The following ZMYND8 variants were observed in gnomAD, a reference collection of about 807,000 sequenced individuals.
ZMYND8 encodes the protein zinc finger MYND-type containing 8.
ZMYND8 carries 37 observed loss-of-function variants against 140.8 expected under a neutral mutation model. The ratio of observed to expected loss-of-function variants is 0.26; its 90% CI spans 0.20 to 0.35. The LOEUF is 0.35. Among genes scored for constraint, ZMYND8 ranks in the 10% least tolerant of loss-of-function variants. The pLI, the probability that ZMYND8 is intolerant of heterozygous loss-of-function variation, is 1.00. For synonymous variants in ZMYND8, 592 were observed against 597.1 expected, an observed-to-expected ratio of 0.99 and a Z score of 0.12; for missense variants, 1,068 against 1,570.0, an observed-to-expected ratio of 0.68 and a Z score of 5.40.
At chr20:47,295,425 G>A (rs2077576541) in intron 4 of ZMYND8, among the ~76,000 whole-genome samples, 1 of 152,022 alleles carries the variant, frequency 6.6e-6, no homozygotes, top group South Asian at 2.1e-4. Context: ...AGAAAGTAAA[G>A]GCCACGGATG....
At chr20:47,213,579 C>G (rs568550612) in intron 21 of ZMYND8, among the ~76,000 whole-genome samples, 1 of 152,092 alleles carries the variant, frequency 6.6e-6, no homozygotes, top group Middle Eastern at 3.2e-3. Context: ...ACCTTGACAA[C>G]GGGGAAAGTC....
At chr20:47,276,001 A>G (rs902532612) in intron 11 of ZMYND8, among the ~76,000 whole-genome samples, 4 of 152,228 alleles carry the variant, frequency 2.6e-5, no homozygotes, top group Non-Finnish European at 4.4e-5. Context: ...TTCAACTAAA[A>G]CAAAATTATT....
At chr20:47,340,497 A>G (rs1185967781) in intron 2 of ZMYND8, among the ~76,000 whole-genome samples, 1 of 143,218 alleles carries the variant, frequency 7.0e-6, no homozygotes, top group Admixed American at 7.1e-5. Flanking sequence ...TCCATGTCTT[A>G]AAAAAAAAAA....
chr20:47,291,754 A>T (rs763053092), intron 6 of ZMYND8, 42 bp downstream of exon 6: 1 of 1,549,816 alleles, frequency 6.5e-7, no homozygotes, highest in Admixed American at 1.8e-5. Flanking sequence ...TAGGCATCTC[A>T]ACTGTGGGCT....
At chr20:47,228,901 C>T (rs1489474784) in intron 17 of ZMYND8, among the ~76,000 whole-genome samples, 1 of 152,176 alleles carries the variant, frequency 6.6e-6, no homozygotes, top group Non-Finnish European at 1.5e-5. Context: ...CGGCAAGTGG[C>T]CCACTCTCCA....
intron 16 of ZMYND8, among the ~76,000 whole-genome samples, chr20:47,232,235 G>C (rs1417427467): frequency 1.3e-5 from 2 of 152,132 alleles, no homozygotes; most frequent in Non-Finnish European, 2.9e-5. Flanking sequence ...AGCCAGGTGT[G>C]GTGGTCAGGG....
intron 2 of ZMYND8, chr20:47,318,846 G>T: frequency 1.2e-6 from 1 of 842,328 alleles, no homozygotes; most frequent in Non-Finnish European, 1.7e-6. Flanking sequence ...GCTGTGGAAT[G>T]AAAGGTCACT....
intron 11 of ZMYND8, among the ~76,000 whole-genome samples, chr20:47,269,635 C>A (rs1427397288): frequency 6.6e-6 from 1 of 152,174 alleles, no homozygotes; most frequent in East Asian, 1.9e-4. Flanking sequence ...TCCTGGCCTG[C>A]GTGAAGGGTT....
At chr20:47,346,211 G>C (rs577066736) in intron 2 of ZMYND8, among the ~76,000 whole-genome samples, 1 of 151,856 alleles carries the variant, frequency 6.6e-6, no homozygotes, top group Non-Finnish European at 1.5e-5. Flanking sequence ...ACTTTGCCCC[G>C]TCTCCTGCTG....
chr20:47,216,495 C>CAGAA (rs2036130490), intron 21 of ZMYND8, among the ~76,000 whole-genome samples: 1 of 59,440 alleles, frequency 1.7e-5, no homozygotes. Context: ...GACTCTGTCT[C>CAGAA]AAAAAAAAAA....
At chr20:47,241,405 G>A (rs1189827881) in intron 14 of ZMYND8, among the ~76,000 whole-genome samples, 2 of 151,906 alleles carry the variant, frequency 1.3e-5, no homozygotes, top group African/African-American at 2.4e-5. Context: ...TTTGAAAAAC[G>A]CTGCCATATG....
intron 9 of ZMYND8, among the ~76,000 whole-genome samples, chr20:47,282,462 C>T (rs770383514): frequency 1.3e-5 from 2 of 152,174 alleles, no homozygotes; most frequent in Non-Finnish European, 2.9e-5. Context: ...TGGTGGCTCA[C>T]GCCTGTAATC....
chr20:47,233,205 C>CTT (rs1174729822), intron 16 of ZMYND8, among the ~76,000 whole-genome samples: 1,711 of 91,250 alleles, frequency 0.019, 110 homozygotes, highest in African/African-American at 0.056. Context: ...CCGCACCAGG[C>CTT]TTTTTTTTTT....
rs3092175 is a variant in ZMYND8, at chr20:47,219,055, A to ATTTTTTTTTTTTTTTTT, written c.3484+1186_3484+1202dup. On this transcript the variant is annotated intron_variant, in intron 21 of 22. Transcript: ENST00000471951. ...AACATGGCAAAACCCCGTTTCTACA[A>ATTTTTTTTTTTTTTTTT]TTTTTTTTTTTTTTTTTTTTGAGAG... 3.3e-3 allele frequency among the ~76,000 whole-genome samples: 365 copies of ATTTTTTTTTTTTTTTTT among 110,882 alleles called. 21 individuals are homozygous for ATTTTTTTTTTTTTTTTT. The highest frequency in any genetic ancestry group is 8.4e-3 in the East Asian group (30 of 3,564). The allele number at this position is 110,882 out of a possible 152,430, so 72.7% of individuals were successfully genotyped here. A position where few individuals can be genotyped will look rare whatever the true frequency, so the allele number is the denominator to read the frequency against.
intron 1 of ZMYND8, 51 bp from the exon 2 acceptor site, chr20:47,347,977 C>G (rs1055198174): frequency 6.3e-7 from 1 of 1,579,392 alleles, no homozygotes; most frequent in African/African-American, 1.3e-5. Flanking sequence ...GAACTTGCCC[C>G]ATGGGGGCAG....
chr20:47,319,378 C>T (rs774376351), intron 2 of ZMYND8: 1 of 239,536 alleles, frequency 4.2e-6, no homozygotes, highest in South Asian at 4.8e-5. Flanking sequence ...CAGAAGGGAG[C>T]CTGGGGGGAG....
intron 16 of ZMYND8, among the ~76,000 whole-genome samples, chr20:47,231,630 A>G (rs901070661): frequency 6.6e-6 from 1 of 152,236 alleles, no homozygotes; most frequent in Non-Finnish European, 1.5e-5. Context: ...ATGGAGTAAA[A>G]TGAATAAAAT....
chr20:47,221,275 G>C, intron 20 of ZMYND8, 39 bp downstream of exon 20: 1 of 1,610,866 alleles, frequency 6.2e-7, no homozygotes, highest in Non-Finnish European at 8.5e-7. Context: ...TGGCACAAAG[G>C]GTAGATGTCA....
intron 3 of ZMYND8, among the ~76,000 whole-genome samples, chr20:47,301,127 T>C (rs903587460): frequency 6.6e-6 from 1 of 151,700 alleles, no homozygotes; most frequent in African/African-American, 2.4e-5. Flanking sequence ...AGTAAGTAGC[T>C]AATACTTATA....
Sources: allele counts gnomAD v4.1 joint callset (sites outside exome capture counted in the v4.1 genomes callset), GRCh38; gene constraint gnomAD v4.1.1; transcripts MANE v1.5; gene names NCBI Gene and HGNC (gene_info 2026-07-23, HGNC 2026-07-21).